Variants in GNB1 observed in about 807,000 individuals in gnomAD.
GNB1 encodes the protein guanine nucleotide-binding protein G(I)/G(S)/G(T) subunit beta-1.
In GNB1, 2 loss-of-function variants were observed where a neutral mutation model predicts 42.9. The observed-to-expected ratio is 0.05, with a 90% confidence interval of 0.02 to 0.15. GNB1 has a LOEUF of 0.15. Among genes scored for constraint, GNB1 ranks in the 10% least tolerant of loss-of-function variants. The probability of loss-of-function intolerance (pLI) is 1.00; values close to 1 mark genes in which losing one functional copy is unlikely to be tolerated. For synonymous variants in GNB1, 183 were observed against 174.7 expected (o/e 1.05, Z -0.38); for missense variants, 193 against 462.2 (o/e 0.42, Z 5.34).
chr1:1,785,621 G>T lies in GNB1; in HGVS notation c.*1442C>A. 5.1e-6 allele frequency: 1 copy of T among 197,752 alleles called. No homozygotes were observed. The highest frequency in any genetic ancestry group is 1.0e-5 in the Non-Finnish European group (1 of 98,514). 12.2% of individuals were successfully genotyped at this position (197,752 alleles called of 1,614,324 possible). A position where few individuals can be genotyped will look rare whatever the true frequency, so the allele number is the denominator to read the frequency against. On this transcript the variant is annotated 3_prime_UTR_variant, in exon 12 of 12. Transcript: ENST00000378609. ...GTCCCACAGAACCTGCTTTCCAAAC[G>T]CTGCTGCTGAACACTGGCCTTGAAA...
At chr1:1,881,181 C>T (rs1406048818) in intron 1 of GNB1, among the ~76,000 whole-genome samples, 2 of 152,130 alleles carry the variant, frequency 1.3e-5, no homozygotes, top group African/African-American at 4.8e-5. Context: ...AGAGGGCAGA[C>T]GGAAACCTGT....
chr1:1,804,623 A>G, intron 6 of GNB1, 42 bp from the exon 7 acceptor site: 1 of 1,467,114 alleles, frequency 6.8e-7, no homozygotes, highest in Non-Finnish European at 9.3e-7. Context: ...CTTTATGTTC[A>G]AAAACAACAC....
intron 1 of GNB1, among the ~76,000 whole-genome samples, chr1:1,845,520 C>T (rs557341621): frequency 4.8e-4 from 73 of 152,192 alleles, no homozygotes; most frequent in Non-Finnish European, 7.6e-4. Context: ...TTGCAGTGAG[C>T]CGAGATCGTG....
intron 1 of GNB1, among the ~76,000 whole-genome samples, chr1:1,859,611 AG>A (rs1648503712): frequency 1.4e-5 from 2 of 147,248 alleles, no homozygotes; most frequent in South Asian, 4.4e-4. Context: ...GATTGGCAGG[AG>A]TGGGGGAGGA....
At chr1:1,837,851 T>A (rs1647173591) in intron 2 of GNB1, among the ~76,000 whole-genome samples, 1 of 151,100 alleles carries the variant, frequency 6.6e-6, no homozygotes, top group Non-Finnish European at 1.5e-5. Flanking sequence ...GTGAGCCACC[T>A]TGCCTGGCCT....
At chr1:1,843,488 C>A (rs949216840) in intron 1 of GNB1, among the ~76,000 whole-genome samples, 5 of 152,126 alleles carry the variant, frequency 3.3e-5, no homozygotes, top group Non-Finnish European at 7.4e-5. Flanking sequence ...CGGCCTTCCA[C>A]GGTGCTGGGA....
At chr1:1,886,881 A>G (rs1443372176) in intron 1 of GNB1, among the ~76,000 whole-genome samples, 1 of 151,936 alleles carries the variant, frequency 6.6e-6, no homozygotes, top group Non-Finnish European at 1.5e-5. Context: ...AATTTTTTGT[A>G]GAGAAGTAAT....
At chr1:1,840,745 C>A (rs531666525) in intron 1 of GNB1, among the ~76,000 whole-genome samples, 2 of 152,348 alleles carry the variant, frequency 1.3e-5, no homozygotes, top group South Asian at 4.1e-4. Context: ...CTGACACGGT[C>A]CCATCCAGTG....
intron 2 of GNB1, among the ~76,000 whole-genome samples, chr1:1,837,172 C>T (rs2101134177): frequency 6.6e-6 from 1 of 152,010 alleles, no homozygotes; most frequent in East Asian, 1.9e-4. Flanking sequence ...TTTGATCTCA[C>T]ATCTAAAAAC....
intron 5 of GNB1, among the ~76,000 whole-genome samples, chr1:1,814,738 G>C (rs1036792583): frequency 6.8e-6 from 1 of 147,552 alleles, no homozygotes; most frequent in Admixed American, 6.9e-5. Context: ...GGACGTCGAG[G>C]CTGCAGTGAG....
chr1:1,825,283 C>T, intron 3 of GNB1, 114 bp downstream of exon 3: 2 of 770,930 alleles, frequency 2.6e-6, no homozygotes, highest in Admixed American at 1.9e-5. Flanking sequence ...AACTAAGATT[C>T]AATTTCATAT....
intron 1 of GNB1, among the ~76,000 whole-genome samples, chr1:1,858,938 G>A (rs1258950956): frequency 6.6e-6 from 1 of 152,108 alleles, no homozygotes; most frequent in Non-Finnish European, 1.5e-5. Flanking sequence ...ATCTGATTCT[G>A]AAGTTTGAGA....
intron 1 of GNB1, among the ~76,000 whole-genome samples, chr1:1,870,063 A>G (rs1649165209): frequency 6.6e-6 from 1 of 151,966 alleles, no homozygotes; most frequent in Admixed American, 6.6e-5. Flanking sequence ...GTTTCACCAT[A>G]TTGGCCAGGC....
At chr1:1,788,970 CA>C in intron 10 of GNB1, 82 bp downstream of exon 10, 1 of 985,826 alleles carries the variant, frequency 1.0e-6, no homozygotes, top group South Asian at 1.4e-5. Context: ...TAAAACACTG[CA>C]GCTTATGCAA....
At chr1:1,876,611 C>T (rs1373100785) in intron 1 of GNB1, among the ~76,000 whole-genome samples, 1 of 152,108 alleles carries the variant, frequency 6.6e-6, no homozygotes, top group African/African-American at 2.4e-5. Context: ...CTCAATCTTC[C>T]CACCTCAGCC....
chr1:1,790,526 G>C lies in GNB1; in HGVS notation c.568C>G (p.Leu190Val). 1 of 1,612,738 alleles carries C rather than the reference G, an allele frequency of 6.2e-7. No individual in the cohort carries two copies. The highest frequency in any genetic ancestry group is 2.2e-5 in the East Asian group (1 of 44,858). Reference protein sequence around the residue: ...FTGHTGDVMSLSLAPDTRLFV... With the variant: ...FTGHTGDVMSVSLAPDTRLFV... The stretch of plus-strand genomic sequence containing the variant: ...AGTCTGGTGTCAGGAGCAAGAGAAA[G>C]GCTCATGACATCTCCAGTGTGTCCG... The change falls in exon 9 of 12, where the codon CTT (leucine) becomes GTT (valine). Residue 190 changes from leucine to valine, a missense_variant. Physicochemically the swap from Leu to Val is conservative, Grantham distance 32. This residue lies in a region of GNB1 where 150 missense variants were observed against 410.8 expected (regional missense o/e 0.37). Coordinates refer to ENST00000378609, the MANE Select transcript of GNB1 (RefSeq NM_002074.5). This position sits in a 1 kb window ranked among gnomAD's most constrained non-coding sequence, Gnocchi z 5.4.
Position 1,790,574 on chromosome 1 carries a change from C to A in GNB1, c.520G>T (p.Gly174Cys). ...TTCALWDIET[G>C]QQTTTFTGHT... is the part of the protein sequence containing the mutation. ...CCGGTAAACGTGGTCGTCTGCTGGC[C>A]GGTCTCGATGTCCCACAGGGCACTG... Residue 174 changes from glycine to cysteine, a missense_variant, in exon 9 of 12, where the codon GGC becomes TGC. Gly to Cys is a radical substitution (Grantham distance 159, BLOSUM62 -3). Transcript: ENST00000378609. This position sits in a 1 kb window ranked among gnomAD's most constrained non-coding sequence, Gnocchi z 5.4. 1 of 1,613,386 alleles carries A rather than the reference C, an allele frequency of 6.2e-7. No homozygotes were observed. The highest frequency in any genetic ancestry group is 8.5e-7 in the Non-Finnish European group (1 of 1,179,450).
intron 6 of GNB1, 56 bp from the exon 7 acceptor site, chr1:1,804,637 C>T: frequency 7.4e-7 from 1 of 1,355,150 alleles, no homozygotes; most frequent in Non-Finnish European, 1.0e-6. Context: ...ACAACACTGA[C>T]ACCAGGATTT....
chr1:1,806,565 A>G (rs768214138), intron 5 of GNB1, 27 bp from the exon 6 acceptor site: 4 of 1,505,154 alleles, frequency 2.7e-6, no homozygotes, highest in Non-Finnish European at 3.7e-6. Context: ...AAGCAAACCT[A>G]TCAGTACCGC....
Sources: allele counts gnomAD v4.1 joint callset (sites outside exome capture counted in the v4.1 genomes callset), GRCh38; gene constraint gnomAD v4.1.1; regional missense constraint gnomAD v4.1.1; non-coding constraint Gnocchi (gnomAD v3.1); transcripts MANE v1.5; gene names NCBI Gene and HGNC (gene_info 2026-07-23, HGNC 2026-07-21).